ASMTL: variants seen among roughly 807,000 people sequenced by gnomAD.
The protein encoded by ASMTL is acetylserotonin O-methyltransferase like.
Under a neutral mutation model 60.3 loss-of-function variants are expected in ASMTL, and 57 were observed. The observed-to-expected ratio is 0.95, with a 90% CI of 0.76 to 1.18. The LOEUF is 1.18. Ranked by LOEUF, ASMTL falls within the 50% of genes most tolerant of loss-of-function variation. The pLI is 0.00. For missense variants in ASMTL, 981 were observed against 852.6 expected, an observed-to-expected ratio of 1.15 and a Z score of -1.88; for synonymous variants, 419 against 373.0, an observed-to-expected ratio of 1.12 and a Z score of -1.42.
At chrX:1,434,024 T>C (rs2090890283) in intron 5 of ASMTL, among the ~76,000 whole-genome samples, 1 of 151,612 alleles carries the variant, frequency 6.6e-6, no homozygotes, top group South Asian at 2.1e-4. Context: ...TGCGTGGAGG[T>C]CCCATGGGAC....
chrX:1,447,842 TGGACACACACCATCTG>T (rs1172025803), intron 1 of ASMTL, among the ~76,000 whole-genome samples: 1 of 148,312 alleles, frequency 6.7e-6, no homozygotes, highest in Non-Finnish European at 1.5e-5. Flanking sequence ...ACTACCATCT[TGGACACACACCATCTG>T]GGACACACAC....
intron 11 of ASMTL, among the ~76,000 whole-genome samples, chrX:1,415,301 C>T (rs2090199357): frequency 2.0e-5 from 3 of 152,184 alleles, no homozygotes; most frequent in Non-Finnish European, 2.9e-5. Flanking sequence ...CACACTGTGA[C>T]GGCTCTCGGG....
At position 1,434,500 on chromosome X, in the gene ASMTL, A is replaced by AAAAAG. The variant is rs1556663580; in HGVS notation, c.400+521_400+522insCTTTT. 2.8e-4 allele frequency among the ~76,000 whole-genome samples: 42 copies of AAAAAG among 149,436 alleles called. No individual in the cohort carries two copies. In the Admixed American group the frequency reaches 2.8e-3, roughly 10 times the overall value. On this transcript the variant is annotated intron_variant, in intron 5 of 12. Coordinates refer to ENST00000381317, the MANE Select transcript of ASMTL (RefSeq NM_004192.4). Reference sequence around the variant, plus strand: ...GGGAGACCCTGTCTCAAAAAAAAAAAAAAGAAAGAAAGAAAGAGAAAGGCC... The same window carrying AAAAAG: ...GGGAGACCCTGTCTCAAAAAAAAAAAAAAAGAAAGAAAGAAAGAAAGAGAAAGGCC...
intron 12 of ASMTL, among the ~76,000 whole-genome samples, chrX:1,407,040 A>G (rs868321901): frequency 2.3e-5 from 2 of 87,130 alleles, no homozygotes; most frequent in Non-Finnish European, 4.8e-5. Flanking sequence ...GATGATGGGT[A>G]GGTAGATGGA....
Position 1,435,754 on chromosome X carries a change from ACTGT to A in ASMTL, c.274_277del (p.Thr92SerfsTer4). ...CGGCTTCTCCAGAATCAGCCCCCCG[ACTGT>A]CTGTGAGAGGAAGGGACAGAGGGAG... On this transcript the variant is annotated frameshift_variant and splice_region_variant, in exon 4 of 13. Coordinates refer to ENST00000381317, the MANE Select transcript of ASMTL (RefSeq NM_004192.4). LOFTEE classifies it high-confidence loss of function. The A allele has an allele frequency of 1.2e-6, 2 of 1,613,392 alleles. No individual in the cohort carries two copies. The highest frequency in any genetic ancestry group is 1.1e-5 in the South Asian group (1 of 91,042).
intron 1 of ASMTL, among the ~76,000 whole-genome samples, chrX:1,448,765 ACCATCTTGGACACACACCG>A (rs1158074139): frequency 6.6e-6 from 1 of 151,270 alleles, no homozygotes; most frequent in African/African-American, 2.4e-5. Flanking sequence ...GATAAGCACC[ACCATCTTGGACACACACCG>A]CCATCTTGGA....
intron 12 of ASMTL, among the ~76,000 whole-genome samples, chrX:1,405,983 AATGGATGGATAG>A (rs1283080276): frequency 6.4e-5 from 9 of 140,342 alleles, no homozygotes; most frequent in African/African-American, 2.4e-4. Flanking sequence ...TAGATAGATG[AATGGATGGATAG>A]ATGGATGTAT....
At chrX:1,441,020 T>C (rs2091095398) in intron 2 of ASMTL, among the ~76,000 whole-genome samples, 1 of 152,188 alleles carries the variant, frequency 6.6e-6, no homozygotes, top group Non-Finnish European at 1.5e-5. Flanking sequence ...ATGATAGTAG[T>C]ATATTAATTA....
At chrX:1,433,109 T>A (rs2090853955) in intron 5 of ASMTL, among the ~76,000 whole-genome samples, 1 of 151,068 alleles carries the variant, frequency 6.6e-6, no homozygotes. Context: ...AATAAATAAA[T>A]AATAAAAGAA....
chrX:1,428,379 C>A (rs1243278041), intron 6 of ASMTL, among the ~76,000 whole-genome samples: 1 of 151,220 alleles, frequency 6.6e-6, no homozygotes, highest in Non-Finnish European at 1.5e-5. Context: ...CAATGGCTCA[C>A]GGCTGTAATC....
intron 1 of ASMTL, among the ~76,000 whole-genome samples, chrX:1,446,008 G>C (rs1385146230): frequency 2.0e-5 from 3 of 152,062 alleles, no homozygotes; most frequent in African/African-American, 7.2e-5. Flanking sequence ...GCAGTTATCC[G>C]GAGGCCTAAC....
chrX:1,406,472 T>C (rs2089848547), intron 12 of ASMTL, among the ~76,000 whole-genome samples: 1 of 150,614 alleles, frequency 6.6e-6, no homozygotes, highest in African/African-American at 2.5e-5. Context: ...GATGGGTACG[T>C]AGATAGATGA....
chrX:1,426,848 G>C (rs1157377962), intron 7 of ASMTL, among the ~76,000 whole-genome samples: 1 of 152,008 alleles, frequency 6.6e-6, no homozygotes, highest in African/African-American at 2.4e-5. Context: ...ATCAGGCTAT[G>C]AACAGATCTT....
chrX:1,433,672 T>C (rs2090878940), intron 5 of ASMTL, among the ~76,000 whole-genome samples: 3 of 150,686 alleles, frequency 2.0e-5, no homozygotes, highest in East Asian at 2.0e-4. Context: ...AAAGCGAGAC[T>C]CTGTCACAAA....
chrX:1,443,049 A>G (rs28656061), intron 1 of ASMTL, among the ~76,000 whole-genome samples: 147,602 of 150,752 alleles, frequency 0.98, 72,317 homozygotes, highest in East Asian at 1. Context: ...GACGCATACC[A>G]CCATCGTGGA....
intron 12 of ASMTL, among the ~76,000 whole-genome samples, chrX:1,412,046 A>G (rs2090049708): frequency 6.6e-6 from 1 of 151,394 alleles, no homozygotes; most frequent in African/African-American, 2.4e-5. Flanking sequence ...CAAACCCCCG[A>G]CCTCAGGTGA....
At chrX:1,439,231 A>C in intron 2 of ASMTL, 87 bp from the exon 3 acceptor site, 1 of 1,428,718 alleles carries the variant, frequency 7.0e-7, no homozygotes, top group South Asian at 1.2e-5. Context: ...GTGAAAGAGC[A>C]CCGCAGGGGC....
intron 12 of ASMTL, among the ~76,000 whole-genome samples, chrX:1,412,263 C>T (rs1376728141): frequency 2.7e-5 from 4 of 150,362 alleles, no homozygotes; most frequent in South Asian, 2.1e-4. Flanking sequence ...AATCTCACTC[C>T]GTCGCCCAGG....
chrX:1,413,142 T>G, intron 11 of ASMTL: 1 of 417,658 alleles, frequency 2.4e-6, no homozygotes, highest in Non-Finnish European at 4.3e-6. Flanking sequence ...GTGGGCAGAT[T>G]GTCTGAGCTC....
Sources: gnomAD v4.1 joint callset for allele counts (sites outside exome capture counted in the v4.1 genomes callset) on GRCh38, gnomAD v4.1.1 for gene constraint, MANE v1.5 for transcripts, NCBI Gene and HGNC (gene_info 2026-07-23, HGNC 2026-07-21) for gene names.